NFKB1: variants seen among roughly 807,000 people sequenced by gnomAD.
NFKB1 encodes the protein nuclear factor NF-kappa-B p105 subunit.
In NFKB1, 9 loss-of-function variants were observed where a neutral mutation model predicts 105.1. The ratio of observed to expected loss-of-function variants is 0.09; its 90% CI spans 0.05 to 0.15. The LOEUF (loss-of-function observed/expected upper bound fraction) is 0.15. Among genes scored for constraint, NFKB1 ranks in the 10% least tolerant of loss-of-function variants. The probability of loss-of-function intolerance (pLI) is 1.00; values close to 1 mark genes in which losing one functional copy is unlikely to be tolerated. For synonymous variants in NFKB1, 440 were observed against 442.2 expected (o/e 1.00, Z 0.06); for missense variants, 830 against 1,203.7 (o/e 0.69, Z 4.59).
chr4:102,597,860 T>A (rs1726768381), intron 15 of NFKB1, among the ~76,000 whole-genome samples, 199 bp downstream of exon 15: 1 of 152,236 alleles, frequency 6.6e-6, no homozygotes, highest in South Asian at 2.1e-4. Context: ...TCTGTTGGAA[T>A]CTGTAGTAGC....
intron 1 of NFKB1, 92 bp from the exon 2 acceptor site, chr4:102,525,420 T>C: frequency 4.9e-6 from 6 of 1,222,890 alleles, no homozygotes; most frequent in Non-Finnish European, 7.1e-6. Flanking sequence ...ACTGGTATAA[T>C]ACAGTTTATT....
chr4:102,604,406 A>G (rs183410069), intron 16 of NFKB1, among the ~76,000 whole-genome samples: 91 of 152,306 alleles, frequency 6.0e-4, no homozygotes, highest in Admixed American at 1.2e-3. Flanking sequence ...CAATGGTAAC[A>G]TCCTGCATAA....
At chr4:102,585,288 G>A (rs188938778) in intron 11 of NFKB1, among the ~76,000 whole-genome samples, 4 of 152,230 alleles carry the variant, frequency 2.6e-5, no homozygotes, top group East Asian at 1.9e-4. Flanking sequence ...GATCCATGGT[G>A]CTTATTTTTA....
chr4:102,595,498 T>A (rs1726535228), intron 13 of NFKB1, among the ~76,000 whole-genome samples: 1 of 152,196 alleles, frequency 6.6e-6, no homozygotes, highest in South Asian at 2.1e-4. Flanking sequence ...TTGTGCCAAG[T>A]GCTTTTACAT....
intron 11 of NFKB1, among the ~76,000 whole-genome samples, chr4:102,592,512 C>T (rs114846602): frequency 2.1e-4 from 32 of 152,278 alleles, no homozygotes; most frequent in African/African-American, 7.7e-4. Flanking sequence ...CTGCTGTAGG[C>T]TTAGGTGATC....
chr4:102,615,623 C>G (rs1430528731), intron 23 of NFKB1, among the ~76,000 whole-genome samples: 1 of 152,146 alleles, frequency 6.6e-6, no homozygotes, highest in Admixed American at 6.5e-5. Context: ...AAAGTAAATA[C>G]CTAAGCATTA....
At chr4:102,607,888 C>A (rs748377382) in intron 19 of NFKB1, 137 bp downstream of exon 19, 83 of 727,534 alleles carry the variant, frequency 1.1e-4, no homozygotes, top group Non-Finnish European at 1.7e-4. Flanking sequence ...AATTATATGG[C>A]AAATCACATT....
At chr4:102,525,668 T>G in intron 2 of NFKB1, 111 bp downstream of exon 2, 1 of 926,746 alleles carries the variant, frequency 1.1e-6, no homozygotes, top group Non-Finnish European at 1.6e-6. Context: ...ATTAGTAAAT[T>G]TTTTTTTAAT....
At chr4:102,537,252 T>A (rs1174468023) in intron 4 of NFKB1, among the ~76,000 whole-genome samples, 1 of 152,202 alleles carries the variant, frequency 6.6e-6, no homozygotes, top group East Asian at 1.9e-4. Context: ...TCTGGTAGGT[T>A]AATATTCAAT....
intron 5 of NFKB1, among the ~76,000 whole-genome samples, chr4:102,559,875 C>G (rs1723259698): frequency 6.7e-6 from 1 of 150,124 alleles, no homozygotes; most frequent in African/African-American, 2.5e-5. Flanking sequence ...GAGGTTGAGT[C>G]TTCAGTGAGC....
intron 5 of NFKB1, among the ~76,000 whole-genome samples, chr4:102,559,900 T>C (rs1723262219): frequency 6.7e-6 from 1 of 149,324 alleles, no homozygotes; most frequent in Non-Finnish European, 1.5e-5. Flanking sequence ...ATCATACCAC[T>C]GTACTCCAGC....
intron 4 of NFKB1, among the ~76,000 whole-genome samples, chr4:102,534,910 T>C (rs546008469): frequency 4.6e-5 from 7 of 152,194 alleles, no homozygotes; most frequent in African/African-American, 7.2e-5. Context: ...ATATGTGTTA[T>C]ATTTGGTCAG....
intron 1 of NFKB1, among the ~76,000 whole-genome samples, chr4:102,519,828 T>C (rs1364571150): frequency 6.6e-6 from 1 of 152,242 alleles, no homozygotes; most frequent in Non-Finnish European, 1.5e-5. Flanking sequence ...CAGTGTCTTA[T>C]CTAGGACATT....
At chr4:102,572,802 G>A (rs1724495108) in intron 6 of NFKB1, among the ~76,000 whole-genome samples, 2 of 152,102 alleles carry the variant, frequency 1.3e-5, no homozygotes, top group South Asian at 4.1e-4. Context: ...CAGAAAAAAG[G>A]TGTTTATATT....
At chr4:102,596,357 C>T (rs1366786832) in intron 14 of NFKB1, 25 bp downstream of exon 14, 1 of 1,570,130 alleles carries the variant, frequency 6.4e-7, no homozygotes, top group Admixed American at 1.8e-5. Flanking sequence ...AAATTACGTT[C>T]TGTTGGTTGG....
intron 1 of NFKB1, among the ~76,000 whole-genome samples, chr4:102,522,321 C>T (rs1266341275): frequency 1.3e-5 from 2 of 152,118 alleles, no homozygotes; most frequent in Admixed American, 1.3e-4. Context: ...ACTGTTACCT[C>T]AGCTCTTTAC....
At chr4:102,601,564 C>A (rs1727146103) in intron 16 of NFKB1, among the ~76,000 whole-genome samples, 5 of 152,164 alleles carry the variant, frequency 3.3e-5, no homozygotes, top group Admixed American at 2.0e-4. Context: ...ATCAGGTTTT[C>A]TTAGGAATTA....
intron 5 of NFKB1, among the ~76,000 whole-genome samples, chr4:102,562,864 C>T (rs1323462522): frequency 1.3e-5 from 2 of 152,054 alleles, no homozygotes; most frequent in Non-Finnish European, 2.9e-5. Flanking sequence ...GTGTATTTTC[C>T]CCTCCTCTTC....
chr4:102,587,747 TATATA>T (rs1264972684), intron 11 of NFKB1, among the ~76,000 whole-genome samples: 1 of 151,998 alleles, frequency 6.6e-6, no homozygotes, highest in African/African-American at 2.4e-5. Flanking sequence ...ATGGACAACA[TATATA>T]TATATGAGGA....
Sources: gnomAD v4.1 joint callset for allele counts (sites outside exome capture counted in the v4.1 genomes callset) on GRCh38, gnomAD v4.1.1 for gene constraint, MANE v1.5 for transcripts, NCBI Gene and HGNC (gene_info 2026-07-23, HGNC 2026-07-21) for gene names.